The following SEMA3D variants were observed in gnomAD, a reference collection of about 807,000 sequenced individuals.
The protein encoded by SEMA3D is semaphorin 3D, also known as semaphorin-3D.
Under a neutral mutation model 100.1 loss-of-function variants are expected in SEMA3D, and 84 were observed. That is an observed-to-expected ratio of 0.84 (90% CI 0.70 to 1.01). SEMA3D has a LOEUF of 1.01. Among genes scored for constraint, SEMA3D ranks in the 50% least tolerant of loss-of-function variants. The probability of loss-of-function intolerance (pLI) is 0.00; values close to 1 mark genes in which losing one functional copy is unlikely to be tolerated. For synonymous variants in SEMA3D, 312 were observed against 320.7 expected (o/e 0.97, Z 0.29); for missense variants, 875 against 934.1 (o/e 0.94, Z 0.82).
chr7:85,177,657 AC>A (rs1426863751), intron 1 of SEMA3D, among the ~76,000 whole-genome samples: 2 of 152,214 alleles, frequency 1.3e-5, no homozygotes, highest in Non-Finnish European at 2.9e-5. Context: ...GCCTATAATT[AC>A]AATCATAATT....
At position 85,010,838 on chromosome 7, in the gene SEMA3D, AATAGCCTCTG is replaced by A. The variant is rs149586063; in HGVS notation, c.1768+1934_1768+1943del. Among the ~76,000 whole-genome samples, 1,463 of 151,810 alleles carry A rather than the reference AATAGCCTCTG, an allele frequency of 9.6e-3. 62 individuals carry two copies. Among genetic ancestry groups the A allele is most frequent in the Admixed American group, 0.079 (1,206 of 15,174 alleles). On this transcript the variant is annotated intron_variant, in intron 17 of 18. Transcript: ENST00000284136. ...AATTGGACTATGAATTTGGGAGTGAAATAGCCTCTGATAGTGTTGAAATAGACAGTATTAG... is the reference window on the plus strand; with the variant it reads ...AATTGGACTATGAATTTGGGAGTGAAATAGTGTTGAAATAGACAGTATTAG...
the SEMA3D span, among the ~76,000 whole-genome samples, chr7:85,228,425 CAG>C: frequency 6.6e-6 from 1 of 152,024 alleles, no homozygotes; most frequent in Non-Finnish European, 1.5e-5. Context: ...TATTAAAAAA[CAG>C]AACAAATCAG....
chr7:85,108,080 A>C (rs1788984355), intron 3 of SEMA3D, among the ~76,000 whole-genome samples: 1 of 151,992 alleles, frequency 6.6e-6, no homozygotes, highest in Admixed American at 6.6e-5. Context: ...TTCATATCCA[A>C]ATTCTTCTAA....
chr7:85,033,339 G>A (rs558225861), intron 12 of SEMA3D, among the ~76,000 whole-genome samples: 5 of 152,108 alleles, frequency 3.3e-5, no homozygotes, highest in East Asian at 3.9e-4. Flanking sequence ...TCTTACTCAC[G>A]TTTCAGAGAA....
chr7:85,211,829 C>T, the SEMA3D span, among the ~76,000 whole-genome samples: 1 of 151,874 alleles, frequency 6.6e-6, no homozygotes, highest in African/African-American at 2.4e-5. Context: ...TTTTATCTTC[C>T]TTATAATTTT....
intron 15 of SEMA3D, among the ~76,000 whole-genome samples, chr7:85,017,760 G>A (rs970767803): frequency 6.6e-6 from 1 of 151,686 alleles, no homozygotes; most frequent in East Asian, 1.9e-4. Flanking sequence ...GTTGCATGAA[G>A]CATCCTCTTT....
intron 4 of SEMA3D, among the ~76,000 whole-genome samples, chr7:85,087,695 T>C (rs1788267225): frequency 6.6e-6 from 1 of 152,232 alleles, no homozygotes; most frequent in African/African-American, 2.4e-5. Context: ...CAAGTATGTC[T>C]CATAAGCCAG....
chr7:85,172,845 A>T (rs1447092424), intron 1 of SEMA3D, among the ~76,000 whole-genome samples: 2 of 152,068 alleles, frequency 1.3e-5, no homozygotes, highest in Admixed American at 1.3e-4. Flanking sequence ...TGAGTTCCAG[A>T]TCCTTGAGTG....
At chr7:85,026,861 G>A (rs938348063) in intron 12 of SEMA3D, among the ~76,000 whole-genome samples, 3 of 151,946 alleles carry the variant, frequency 2.0e-5, no homozygotes, top group East Asian at 1.9e-4. Context: ...GAGAAAACAG[G>A]GTAGCTAAAA....
At chr7:85,230,208 A>G in the SEMA3D span, among the ~76,000 whole-genome samples, 4 of 152,164 alleles carry the variant, frequency 2.6e-5, no homozygotes, top group African/African-American at 9.7e-5. Flanking sequence ...TGTCTCATTC[A>G]GCCACTCTTC....
At chr7:85,155,462 A>G (rs1293070103) in intron 1 of SEMA3D, among the ~76,000 whole-genome samples, 10 of 152,126 alleles carry the variant, frequency 6.6e-5, no homozygotes, top group Non-Finnish European at 1.5e-4. Flanking sequence ...TTCCACAGGT[A>G]CATATTAAAC....
chr7:85,035,396 T>A (rs886781655), intron 12 of SEMA3D, among the ~76,000 whole-genome samples: 1 of 151,886 alleles, frequency 6.6e-6, no homozygotes, highest in African/African-American at 2.4e-5. Flanking sequence ...ACTGCATTCA[T>A]CCTTGAAAAA....
At chr7:85,245,700 G>A in the SEMA3D span, among the ~76,000 whole-genome samples, 1 of 152,012 alleles carries the variant, frequency 6.6e-6, no homozygotes, top group Non-Finnish European at 1.5e-5. Flanking sequence ...CTTTCACATA[G>A]CATTTTTTTT....
intron 18 of SEMA3D, among the ~76,000 whole-genome samples, chr7:85,000,963 T>C (rs1352192892): frequency 6.6e-6 from 1 of 152,142 alleles, no homozygotes; most frequent in Non-Finnish European, 1.5e-5. Context: ...TTTTAGATGA[T>C]GGAAATCAAG....
intron 1 of SEMA3D, among the ~76,000 whole-genome samples, chr7:85,182,553 AAG>A (rs1255069991): frequency 6.6e-6 from 1 of 152,172 alleles, no homozygotes; most frequent in Non-Finnish European, 1.5e-5. Context: ...ATTACCTAGT[AAG>A]AGATCATAAC....
intron 4 of SEMA3D, among the ~76,000 whole-genome samples, chr7:85,089,716 C>G (rs1448200266): frequency 6.6e-6 from 1 of 152,012 alleles, no homozygotes; most frequent in African/African-American, 2.4e-5. Context: ...AACACTCTGT[C>G]TCTATGAAAA....
intron 1 of SEMA3D, among the ~76,000 whole-genome samples, chr7:85,183,715 C>A (rs1255966429): frequency 1.3e-5 from 2 of 152,226 alleles, no homozygotes; most frequent in African/African-American, 4.8e-5. Flanking sequence ...TATCTTTTAT[C>A]GTTAGTTTCT....
At chr7:85,161,888 T>C (rs913881927) in intron 1 of SEMA3D, among the ~76,000 whole-genome samples, 5 of 152,128 alleles carry the variant, frequency 3.3e-5, no homozygotes, top group African/African-American at 1.2e-4. Flanking sequence ...AAAGTGAAGA[T>C]TTCTGCATTT....
intron 14 of SEMA3D, among the ~76,000 whole-genome samples, chr7:85,018,888 A>G (rs1352704943): frequency 1.3e-5 from 2 of 151,762 alleles, no homozygotes; most frequent in Non-Finnish European, 3.0e-5. Context: ...CTAACAAACT[A>G]AAAAGGACAA....
Sources: allele counts gnomAD v4.1 joint callset (sites outside exome capture counted in the v4.1 genomes callset), GRCh38; gene constraint gnomAD v4.1.1; transcripts MANE v1.5; gene names NCBI Gene and HGNC (gene_info 2026-07-23, HGNC 2026-07-21).